KIF13A: variants seen among roughly 807,000 people sequenced by gnomAD.
The protein encoded by KIF13A is kinesin-like protein KIF13A.
In KIF13A, 79 loss-of-function variants were observed where a neutral mutation model predicts 212.2. The observed-to-expected ratio is 0.37, with a 90% confidence interval of 0.31 to 0.45. The LOEUF is 0.45. Among genes scored for constraint, KIF13A ranks in the 20% least tolerant of loss-of-function variants. KIF13A has a pLI of 1.00. For synonymous variants in KIF13A, 789 were observed against 808.6 expected, an observed-to-expected ratio of 0.98 and a Z score of 0.41; for missense variants, 1,901 against 2,209.0, an observed-to-expected ratio of 0.86 and a Z score of 2.79.
rs189926077 is a variant in KIF13A at position 17,918,182 on chromosome 6, C to A, written c.147-20002G>T. Among the ~76,000 whole-genome samples the A allele has an allele frequency of 1.3e-5, 2 of 151,974 alleles. No individual in the cohort carries two copies. On this transcript the variant is annotated intron_variant, in intron 2 of 38. Transcript: ENST00000259711. This position sits in a 1 kb window ranked among gnomAD's most constrained non-coding sequence, Gnocchi z 4.8. ...AAGCACCTGGCCTGGCTAGAGACAC[C>A]CATCTCGTTCCAAGCAGAGGCCGGG...
chr6:17,771,135 A>G lies in KIF13A; in HGVS notation c.4560T>C (p.Asn1520=). 2 of 1,612,142 alleles carry G rather than the reference A, an allele frequency of 1.2e-6. No homozygotes were observed. Among genetic ancestry groups the G allele is most frequent in the Non-Finnish European group, 1.7e-6 (2 of 1,178,698 alleles). ...TTACAATCTTCTTCTCACGTTTGCTATTGTGTTCTACTGGCATGCTGCTGC... is the reference window on the plus strand; with the variant it reads ...TTACAATCTTCTTCTCACGTTTGCTGTTGTGTTCTACTGGCATGCTGCTGC... ...SNGSSMPVEH[N]SKREKKIDSE... The change falls in exon 38 of 39, where the codon AAT becomes AAC. Residue 1520 remains asparagine (N), a synonymous_variant. Coordinates refer to ENST00000259711, the MANE Select transcript of KIF13A (RefSeq NM_022113.6). The surrounding 1 kb of genome is among the most constrained non-coding windows in gnomAD (Gnocchi z 5.4).
intron 3 of KIF13A, among the ~76,000 whole-genome samples, chr6:17,880,427 G>C (rs914278330): frequency 2.0e-5 from 3 of 151,960 alleles, no homozygotes; most frequent in African/African-American, 7.3e-5. Context: ...AGGAGTTCAA[G>C]AGCAGCCTGA....
Position 17,834,020 on chromosome 6 carries a change from T to C in KIF13A, c.1207A>G (p.Ile403Val). 6.2e-7 allele frequency: 1 copy of C among 1,605,076 alleles called. No homozygotes were observed. Among genetic ancestry groups the C allele is most frequent in the Non-Finnish European group, 8.5e-7 (1 of 1,178,200 alleles). ...TCCCAAGTCACTGTTAGTTCTTTTA[T>C]CAGCTTTTCAGACTCTTCGAGCTTC... ...KEKLEESEKL[I>V]KELTVTWEEK... Residue 403 changes from isoleucine to valine, a missense_variant, in exon 12 of 39, where the codon ATA becomes GTA. Ile to Val is a conservative substitution (Grantham distance 29). This residue lies in a region of KIF13A where 506 missense variants were observed against 637.4 expected (regional missense o/e 0.79). Coordinates refer to ENST00000259711, the MANE Select transcript of KIF13A (RefSeq NM_022113.6). This position sits in a 1 kb window ranked among gnomAD's most constrained non-coding sequence, Gnocchi z 4.0.
Position 17,777,861 on chromosome 6 carries a change from G to T in KIF13A, c.4093-507C>A, listed in dbSNP as rs533123661. On this transcript the variant is annotated intron_variant, in intron 33 of 38. Coordinates refer to ENST00000259711, the MANE Select transcript of KIF13A (RefSeq NM_022113.6). This position sits in a 1 kb window ranked among gnomAD's most constrained non-coding sequence, Gnocchi z 4.4. ...TATTTTTTTTAAGATAAATAAAACT[G>T]CAGGGTGTGGTGGTTCATGTCTATA... is the stretch of plus-strand genomic sequence containing the variant. Among the ~76,000 whole-genome samples the T allele has an allele frequency of 4.1e-3, 631 of 152,148 alleles. 2 individuals carry two copies. The highest frequency in any genetic ancestry group is 6.1e-3 in the Non-Finnish European group (416 of 68,006).
rs1403257689 is a variant in KIF13A at position 17,799,732 on chromosome 6, C to A, written c.2616+220G>T. On this transcript the variant is annotated intron_variant, in intron 21 of 38. Transcript: ENST00000259711. This position sits in a 1 kb window ranked among gnomAD's most constrained non-coding sequence, Gnocchi z 4.4. ...AACATAATTCACTAAGCAACATACACTTCTTGCATGTCAAATACATAAACA... is the reference window on the plus strand; with the variant it reads ...AACATAATTCACTAAGCAACATACAATTCTTGCATGTCAAATACATAAACA... 6.6e-6 allele frequency among the ~76,000 whole-genome samples: 1 copy of A among 152,186 alleles called. No individual in the cohort carries two copies. Among genetic ancestry groups the A allele is most frequent in the African/African-American group, 2.4e-5 (1 of 41,454 alleles).
At chr6:17,818,622 T>C (rs1275682633) in intron 16 of KIF13A, among the ~76,000 whole-genome samples, 1 of 152,194 alleles carries the variant, frequency 6.6e-6, no homozygotes, top group Non-Finnish European at 1.5e-5. Context: ...AGAGGTTCTA[T>C]CTGCTTTGCA....
At chr6:17,986,678 C>T (rs1358013198) in intron 2 of KIF13A, among the ~76,000 whole-genome samples, 1 of 152,240 alleles carries the variant, frequency 6.6e-6, no homozygotes, top group Non-Finnish European at 1.5e-5. Flanking sequence ...CACTGGGTTC[C>T]ACGAACAATA....
chr6:17,791,901 CAAAA>C (rs57423111), intron 25 of KIF13A, among the ~76,000 whole-genome samples: 1 of 89,972 alleles, frequency 1.1e-5, no homozygotes. Context: ...GACTCTGTCT[CAAAA>C]AAAAAAAAAA....
At chr6:17,911,713 GAATT>G (rs1340927171) in intron 2 of KIF13A, among the ~76,000 whole-genome samples, 3 of 133,226 alleles carry the variant, frequency 2.3e-5, no homozygotes, top group African/African-American at 5.4e-5. Flanking sequence ...AAAAAAAAAA[GAATT>G]AATAAGACCT....
rs2150370246 is a variant in KIF13A, at chr6:17,829,722, T to G, written c.1402-1352A>C. ...AAATCAGGATTTCAGAGACAATTCC[T>G]TACCCCTACTCATTGCCTAAATGAA... On this transcript the variant is annotated intron_variant, in intron 13 of 38. Coordinates refer to ENST00000259711, the MANE Select transcript of KIF13A (RefSeq NM_022113.6). This position sits in a 1 kb window ranked among gnomAD's most constrained non-coding sequence, Gnocchi z 5.4. 6.6e-6 allele frequency among the ~76,000 whole-genome samples: 1 copy of G among 152,278 alleles called. No homozygotes were observed. The highest frequency in any genetic ancestry group is 2.4e-5 in the African/African-American group (1 of 41,566).
intron 4 of KIF13A, among the ~76,000 whole-genome samples, chr6:17,867,058 T>G (rs1581579117): frequency 6.6e-6 from 1 of 152,094 alleles, no homozygotes; most frequent in Non-Finnish European, 1.5e-5. Context: ...TCACCCCAGC[T>G]GGGAGGCTAC....
At position 17,764,539 on chromosome 6, in the gene KIF13A, C is replaced by T. The variant is rs1758772201; in HGVS notation, c.4989G>A (p.Lys1663=). 1.9e-6 allele frequency: 3 copies of T among 1,613,996 alleles called. No homozygotes were observed. The highest frequency in any genetic ancestry group is 2.5e-6 in the Non-Finnish European group (3 of 1,179,896). ...TEVEKGLVKD[K]IIVVPLKENS... is the part of the protein sequence containing the mutation. Reference sequence around the variant, plus strand: ...TTTCCTTGAGTGGCACCACAATTATCTTGTCCTTTACCAAGCCTTTTTCGA... The same window carrying T: ...TTTCCTTGAGTGGCACCACAATTATTTTGTCCTTTACCAAGCCTTTTTCGA... The change falls in exon 39 of 39, where the codon AAG becomes AAA. Residue 1663 remains lysine (K), a synonymous_variant. Transcript: ENST00000259711. The surrounding 1 kb of genome is among the most constrained non-coding windows in gnomAD (Gnocchi z 5.1).
chr6:17,818,998 CTT>C (rs11438528), intron 16 of KIF13A, among the ~76,000 whole-genome samples: 21,137 of 123,232 alleles, frequency 0.17, 1,420 homozygotes, highest in Admixed American at 0.27. Context: ...AAATATATCA[CTT>C]TTTTTTTTTT....
At chr6:17,962,011 A>G (rs1175907122) in intron 2 of KIF13A, among the ~76,000 whole-genome samples, 1 of 152,164 alleles carries the variant, frequency 6.6e-6, no homozygotes, top group Non-Finnish European at 1.5e-5. Context: ...CTTATAATTG[A>G]TGGTATTTTA....
At chr6:17,933,035 A>G (rs938206049) in intron 2 of KIF13A, among the ~76,000 whole-genome samples, 1 of 152,220 alleles carries the variant, frequency 6.6e-6, no homozygotes, top group African/African-American at 2.4e-5. Context: ...AAGAATATCT[A>G]AAGTGTATCA....
At chr6:17,845,023 G>A (rs1387549688) in intron 9 of KIF13A, among the ~76,000 whole-genome samples, 1 of 152,164 alleles carries the variant, frequency 6.6e-6, no homozygotes, top group Admixed American at 6.5e-5. Flanking sequence ...AATTTTTAAA[G>A]AAAAAGAGGT....
chr6:17,835,325 G>T (rs567689779), intron 11 of KIF13A, among the ~76,000 whole-genome samples: 2 of 148,598 alleles, frequency 1.3e-5, no homozygotes, highest in Non-Finnish European at 3.0e-5. Flanking sequence ...GAGCCATCTC[G>T]CCCAGATTAT....
intron 3 of KIF13A, among the ~76,000 whole-genome samples, chr6:17,885,250 C>T (rs1307498660): frequency 6.6e-6 from 1 of 152,186 alleles, no homozygotes; most frequent in Non-Finnish European, 1.5e-5. Flanking sequence ...GCAGCTCTGC[C>T]AGGAGGAACT....
chr6:17,804,811 TAAAAAAAAAAAAAAAAAAAAAAA>T (rs56785510), intron 19 of KIF13A, among the ~76,000 whole-genome samples: 2 of 23,294 alleles, frequency 8.6e-5, no homozygotes, highest in Admixed American at 1.1e-3. Context: ...CTGTCTCCAT[TAAAAAAAAAAAAAAAAAAAAAAA>T]AAAAAAAAAA....
Sources: gnomAD v4.1 joint callset for allele counts (sites outside exome capture counted in the v4.1 genomes callset) on GRCh38, gnomAD v4.1.1 for gene constraint, gnomAD v4.1.1 regional missense constraint, Gnocchi (gnomAD v3.1) non-coding constraint, MANE v1.5 for transcripts, NCBI Gene and HGNC (gene_info 2026-07-23, HGNC 2026-07-21) for gene names.